The following TLK2 variants were observed in gnomAD, a reference collection of about 807,000 sequenced individuals.
TLK2 encodes serine/threonine-protein kinase tousled-like 2.
A neutral mutation model predicts 117.3 loss-of-function variants in TLK2; 6 were observed. That is an observed-to-expected ratio of 0.05 (90% CI 0.03 to 0.10). TLK2 has a LOEUF of 0.10. Among genes scored for constraint, TLK2 ranks in the 10% least tolerant of loss-of-function variants. TLK2 has a pLI of 1.00. For missense variants in TLK2, 299 were observed against 901.2 expected (o/e 0.33, Z 8.56); for synonymous variants, 257 against 316.7 (o/e 0.81, Z 2.00).
intron 1 of TLK2, among the ~76,000 whole-genome samples, chr17:62,472,520 C>G (rs1399750481): frequency 6.6e-6 from 1 of 151,792 alleles, no homozygotes; most frequent in Non-Finnish European, 1.5e-5. Flanking sequence ...GGGTGGATCA[C>G]GAGGTCGGGA....
chr17:62,610,157 A>G (rs1253917053), intron 21 of TLK2, among the ~76,000 whole-genome samples: 2 of 152,264 alleles, frequency 1.3e-5, no homozygotes, highest in Non-Finnish European at 2.9e-5. Flanking sequence ...TGTTTATTCA[A>G]TAAATAGGTG....
rs1399490878 is a variant in TLK2 at position 62,614,258 on chromosome 17, G to A, written c.*1693G>A. 2 of 152,222 alleles carry A rather than the reference G, an allele frequency of 1.3e-5. No homozygotes were observed. Among genetic ancestry groups the A allele is most frequent in the African/African-American group, 2.4e-5 (1 of 41,454 alleles). The allele number at this position is 152,222 out of a possible 1,614,324, so 9.4% of individuals were successfully genotyped here. The stretch of plus-strand genomic sequence containing the variant: ...AAGATGGAGCTGAAATGGGAGACGG[G>A]TGGCCCCACCGTGCCCTTGAAACAG... On this transcript the variant is annotated 3_prime_UTR_variant, in exon 22 of 22. Coordinates refer to ENST00000346027, the MANE Select transcript of TLK2 (RefSeq NM_006852.6).
chr17:62,527,824 C>G (rs1199702603), intron 6 of TLK2, among the ~76,000 whole-genome samples: 1 of 151,780 alleles, frequency 6.6e-6, no homozygotes, highest in Admixed American at 6.6e-5. Context: ...TTCACCGCAA[C>G]CTCCGCCTTC....
In TLK2 at chr17:62,549,418, A is replaced by AAAAAAAAAAAAG. The variant is rs2078230258; in HGVS notation, c.532-2873_532-2872insGAAAAAAAAAAA. Among the ~76,000 whole-genome samples, 3 of 8,536 alleles carry AAAAAAAAAAAAG rather than the reference A, an allele frequency of 3.5e-4. 1 individual carries two copies. Among genetic ancestry groups the AAAAAAAAAAAAG allele is most frequent in the African/African-American group, 4.9e-4 (3 of 6,084 alleles). 5.6% of individuals were successfully genotyped at this position (8,536 alleles called of 152,430 possible). ...CATCTCAAAAAAAAAAAAAAAAAAA[A>AAAAAAAAAAAAG]AAAAAAAAAAAAAAAAAAATAGAAA... On this transcript the variant is annotated intron_variant, in intron 7 of 21. Coordinates refer to ENST00000346027, the MANE Select transcript of TLK2 (RefSeq NM_006852.6).
At chr17:62,540,399 A>ATTTTTTTTTTT (rs1567879183) in intron 7 of TLK2, among the ~76,000 whole-genome samples, 1 of 13,380 alleles carries the variant, frequency 7.5e-5, no homozygotes, top group African/African-American at 9.6e-5. Context: ...ATATGTTCAG[A>ATTTTTTTTTTT]ATTTTTTTTT....
chr17:62,485,586 G>A (rs1232362755), intron 2 of TLK2, among the ~76,000 whole-genome samples: 3 of 152,032 alleles, frequency 2.0e-5, no homozygotes, highest in African/African-American at 7.2e-5. Flanking sequence ...TCATAATAAT[G>A]GTAAAACAAA....
intron 2 of TLK2, among the ~76,000 whole-genome samples, chr17:62,487,620 CTTTTTTT>C (rs71155932): frequency 1.9e-5 from 2 of 104,310 alleles, no homozygotes; most frequent in African/African-American, 3.8e-5. Flanking sequence ...TGGCAAGTAT[CTTTTTTT>C]TTTTTTTTTT....
chr17:62,484,479 G>A (rs1474355247), intron 2 of TLK2, among the ~76,000 whole-genome samples: 1 of 151,208 alleles, frequency 6.6e-6, no homozygotes, highest in Non-Finnish European at 1.5e-5. Context: ...TGTATTTTTA[G>A]TAGAGATGGA....
At chr17:62,540,900 A>T (rs916258905) in intron 7 of TLK2, among the ~76,000 whole-genome samples, 1 of 152,178 alleles carries the variant, frequency 6.6e-6, no homozygotes, top group Non-Finnish European at 1.5e-5. Context: ...GTGGCCCTGC[A>T]TGGTTTGTTT....
chr17:62,514,175 G>A (rs377436831), intron 2 of TLK2, among the ~76,000 whole-genome samples: 3 of 150,224 alleles, frequency 2.0e-5, no homozygotes, highest in Admixed American at 6.6e-5. Flanking sequence ...ATGGAGTCTC[G>A]CTCTATTGCC....
chr17:62,478,583 G>C (rs1268985155), upstream of TLK2, among the ~76,000 whole-genome samples: 1 of 150,510 alleles, frequency 6.6e-6, no homozygotes, highest in East Asian at 2.0e-4. Flanking sequence ...TCAGCCGTCC[G>C]GCGAGGCGCG....
intron 21 of TLK2, among the ~76,000 whole-genome samples, chr17:62,611,367 A>G (rs191216952): frequency 1.4e-4 from 22 of 152,374 alleles, no homozygotes; most frequent in African/African-American, 5.3e-4. Context: ...TTTATCAAAC[A>G]TGGGGGAAAA....
chr17:62,576,611 A>T, intron 12 of TLK2, 98 bp from the exon 13 acceptor site: 1 of 931,436 alleles, frequency 1.1e-6, no homozygotes, highest in Non-Finnish European at 1.7e-6. Flanking sequence ...ACTGAGACTG[A>T]AACTGAATAT....
intron 7 of TLK2, among the ~76,000 whole-genome samples, chr17:62,546,360 T>TTTTTTTTTTTTTTTTTAC (rs1555628571): frequency 1.0e-5 from 1 of 98,862 alleles, no homozygotes; most frequent in African/African-American, 3.5e-5. Flanking sequence ...TTTTTTTTTT[T>TTTTTTTTTTTTTTTTTAC]ACATAATGAA....
chr17:62,552,713 C>A (rs538107659), intron 8 of TLK2, among the ~76,000 whole-genome samples: 1 of 148,548 alleles, frequency 6.7e-6, no homozygotes, highest in African/African-American at 2.5e-5. Context: ...AGTACCTACG[C>A]TTTGAAGGCC....
intron 2 of TLK2, among the ~76,000 whole-genome samples, chr17:62,484,421 C>T (rs1275878547): frequency 2.0e-5 from 3 of 151,676 alleles, no homozygotes; most frequent in Non-Finnish European, 4.4e-5. Context: ...CTCAGCCTCC[C>T]GAGTAGCTGG....
intron 12 of TLK2, chr17:62,574,512 T>C (rs2146642957): frequency 1.5e-6 from 1 of 662,024 alleles, no homozygotes; most frequent in East Asian, 2.9e-5. Context: ...ACTCCAAATT[T>C]TGTTGTTGTT....
At chr17:62,513,844 C>T (rs1434895134) in intron 2 of TLK2, among the ~76,000 whole-genome samples, 12 of 151,790 alleles carry the variant, frequency 7.9e-5, no homozygotes, top group Non-Finnish European at 1.3e-4. Context: ...CCTGCCACCA[C>T]GTCCAGCTAA....
chr17:62,569,040 C>T (rs1010688333), intron 11 of TLK2, among the ~76,000 whole-genome samples: 2 of 150,746 alleles, frequency 1.3e-5, no homozygotes, highest in African/African-American at 4.9e-5. Context: ...TGGTGTGGCT[C>T]ATGCCTGTAA....
Sources: gnomAD v4.1 joint callset for allele counts (sites outside exome capture counted in the v4.1 genomes callset) on GRCh38, gnomAD v4.1.1 for gene constraint, MANE v1.5 for transcripts, NCBI Gene and HGNC (gene_info 2026-07-23, HGNC 2026-07-21) for gene names.